The following NDUFS4 variants were observed in gnomAD, a reference collection of about 807,000 sequenced individuals.
The protein encoded by NDUFS4 is NADH:ubiquinone oxidoreductase subunit S4.
NDUFS4 carries 28 observed loss-of-function variants against 24.3 expected under a neutral mutation model. That is an observed-to-expected ratio of 1.15 (90% CI 0.85 to 1.58). NDUFS4 has a LOEUF of 1.58. Among genes scored for constraint, NDUFS4 ranks in the 40% most tolerant of loss-of-function variants. NDUFS4 has a pLI of 0.00. For synonymous variants in NDUFS4, 93 were observed against 69.7 expected, an observed-to-expected ratio of 1.34 and a Z score of -1.67; for missense variants, 223 against 207.9, an observed-to-expected ratio of 1.07 and a Z score of -0.45.
intron 4 of NDUFS4, among the ~76,000 whole-genome samples, chr5:53,661,683 G>C (rs927886200): frequency 2.0e-5 from 3 of 152,200 alleles, no homozygotes; most frequent in Admixed American, 6.5e-5. Flanking sequence ...TCATTGAGCA[G>C]TGGTTTGTAG....
chr5:53,611,773 T>C (rs1750706222), intron 2 of NDUFS4, among the ~76,000 whole-genome samples: 1 of 152,042 alleles, frequency 6.6e-6, no homozygotes, highest in Admixed American at 6.6e-5. Flanking sequence ...AACTTTTTTT[T>C]CTTTATGCCT....
intron 1 of NDUFS4, among the ~76,000 whole-genome samples, chr5:53,579,484 T>A (rs1332079716): frequency 6.6e-6 from 1 of 152,186 alleles, no homozygotes; most frequent in African/African-American, 2.4e-5. Flanking sequence ...CTGAGAATGT[T>A]ACCTTATATG....
intron 4 of NDUFS4, among the ~76,000 whole-genome samples, chr5:53,666,545 A>G (rs1579936581): frequency 6.6e-6 from 1 of 152,248 alleles, no homozygotes; most frequent in Non-Finnish European, 1.5e-5. Flanking sequence ...ACTATGTCCT[A>G]TCTTGGTCAC....
chr5:53,621,890 CG>C (rs1360467453), intron 2 of NDUFS4, among the ~76,000 whole-genome samples: 1 of 151,386 alleles, frequency 6.6e-6, no homozygotes, highest in Non-Finnish European at 1.5e-5. Context: ...TTAGTAGAGA[CG>C]GGGTTTCACC....
intron 1 of NDUFS4, among the ~76,000 whole-genome samples, chr5:53,593,366 GTGA>G (rs1750034319): frequency 6.6e-6 from 1 of 151,752 alleles, no homozygotes; most frequent in Non-Finnish European, 1.5e-5. Context: ...GGGATCAGGA[GTGA>G]TGATACCTGT....
intron 3 of NDUFS4, among the ~76,000 whole-genome samples, chr5:53,652,750 A>G (rs552086226): frequency 6.6e-6 from 1 of 152,278 alleles, no homozygotes; most frequent in South Asian, 2.1e-4. Context: ...AAATGTTAGA[A>G]CTCAAAGGTA....
intron 1 of NDUFS4, among the ~76,000 whole-genome samples, chr5:53,583,802 G>A (rs986035935): frequency 6.6e-6 from 1 of 152,182 alleles, no homozygotes; most frequent in African/African-American, 2.4e-5. Flanking sequence ...AGAATTCATG[G>A]CTTTTCAACC....
intron 2 of NDUFS4, among the ~76,000 whole-genome samples, chr5:53,645,399 G>A (rs1429558720): frequency 2.6e-5 from 4 of 151,964 alleles, no homozygotes; most frequent in Non-Finnish European, 5.9e-5. Flanking sequence ...TGGAACACTA[G>A]GAATAAATAA....
At chr5:53,681,169 A>AGAG (rs899971598) in intron 4 of NDUFS4, among the ~76,000 whole-genome samples, 1 of 152,140 alleles carries the variant, frequency 6.6e-6, no homozygotes, top group African/African-American at 2.4e-5. Context: ...ATAAACCACA[A>AGAG]GAGACAATGT....
At chr5:53,669,345 C>G (rs2111567493) in intron 4 of NDUFS4, among the ~76,000 whole-genome samples, 1 of 152,298 alleles carries the variant, frequency 6.6e-6, no homozygotes, top group South Asian at 2.1e-4. Flanking sequence ...TGTTCCAACT[C>G]TTACTTTCTG....
intron 2 of NDUFS4, among the ~76,000 whole-genome samples, chr5:53,627,151 T>C (rs1366718407): frequency 6.6e-6 from 1 of 152,190 alleles, no homozygotes; most frequent in Non-Finnish European, 1.5e-5. Flanking sequence ...CTTTCCCCAT[T>C]GCGTGTTTTT....
chr5:53,629,351 T>G (rs1382229542), intron 2 of NDUFS4, among the ~76,000 whole-genome samples: 1 of 152,170 alleles, frequency 6.6e-6, no homozygotes, highest in Non-Finnish European at 1.5e-5. Flanking sequence ...AGAATGTATA[T>G]TCTATTGATT....
chr5:53,572,602 G>T (rs868173672), intron 1 of NDUFS4, among the ~76,000 whole-genome samples: 4 of 151,176 alleles, frequency 2.6e-5, no homozygotes, highest in Non-Finnish European at 5.9e-5. Flanking sequence ...TGAGCTCTTT[G>T]CCTAACCCCA....
intron 2 of NDUFS4, among the ~76,000 whole-genome samples, chr5:53,632,187 T>A (rs404838): frequency 0.2 from 31,081 of 152,116 alleles, 3,698 homozygotes; most frequent in East Asian, 0.46. Flanking sequence ...GTTAATGATT[T>A]TTAAGTGTGT....
At chr5:53,673,214 A>G (rs765279200) in intron 4 of NDUFS4, among the ~76,000 whole-genome samples, 3 of 152,120 alleles carry the variant, frequency 2.0e-5, no homozygotes, top group Admixed American at 6.5e-5. Context: ...TGCATTGACA[A>G]CTTTTCTCAT....
At chr5:53,676,367 AG>A (rs1276908661) in intron 4 of NDUFS4, among the ~76,000 whole-genome samples, 1 of 152,198 alleles carries the variant, frequency 6.6e-6, no homozygotes, top group Non-Finnish European at 1.5e-5. Flanking sequence ...AGGTTCCTGC[AG>A]GCCTCTGGTC....
At chr5:53,636,303 A>G (rs1482188676) in intron 2 of NDUFS4, among the ~76,000 whole-genome samples, 2 of 152,192 alleles carry the variant, frequency 1.3e-5, no homozygotes, top group East Asian at 1.9e-4. Context: ...TGAAGTTTCT[A>G]TCAATTTATC....
intron 2 of NDUFS4, among the ~76,000 whole-genome samples, chr5:53,635,716 A>G (rs1263338622): frequency 6.6e-6 from 1 of 152,120 alleles, no homozygotes; most frequent in Non-Finnish European, 1.5e-5. Context: ...TTGATCCTTC[A>G]TTTCTTCGTT....
intron 3 of NDUFS4, among the ~76,000 whole-genome samples, chr5:53,649,544 T>C (rs541316459): frequency 2.2e-4 from 34 of 152,358 alleles, no homozygotes; most frequent in African/African-American, 8.2e-4. Flanking sequence ...TTTGATTCTT[T>C]TTTATTGCTG....
Sources: gnomAD v4.1 joint callset for allele counts (sites outside exome capture counted in the v4.1 genomes callset) on GRCh38, gnomAD v4.1.1 for gene constraint, MANE v1.5 for transcripts, NCBI Gene and HGNC (gene_info 2026-07-23, HGNC 2026-07-21) for gene names.